Variants in COX7B2 observed in about 807,000 individuals in gnomAD.
COX7B2 encodes the protein cytochrome c oxidase subunit 7B2, mitochondrial.
For missense variants in COX7B2, 109 were observed against 95.9 expected, an observed-to-expected ratio of 1.14 and a Z score of -0.57; for synonymous variants, 37 against 32.1, an observed-to-expected ratio of 1.15 and a Z score of -0.51.
intron 2 of COX7B2, among the ~76,000 whole-genome samples, chr4:46,782,964 ACCCACCAATT>A: frequency 6.6e-6 from 1 of 152,180 alleles, no homozygotes; most frequent in African/African-American, 2.4e-5. Flanking sequence ...AAAACCAAGA[ACCCACCAATT>A]CCGGACATAA....
chr4:46,831,318 C>A (rs1715078175), intron 2 of COX7B2, among the ~76,000 whole-genome samples: 1 of 152,154 alleles, frequency 6.6e-6, no homozygotes, highest in Non-Finnish European at 1.5e-5. Context: ...CCTGAGTGCC[C>A]CCCCAACCTC....
At chr4:46,868,024 G>T (rs1327652642) in intron 1 of COX7B2, among the ~76,000 whole-genome samples, 2 of 152,040 alleles carry the variant, frequency 1.3e-5, no homozygotes, top group African/African-American at 2.4e-5. Flanking sequence ...TTATTGGTTG[G>T]TAGTCTATTT....
At chr4:46,765,984 G>A (rs897177455) in intron 2 of COX7B2, among the ~76,000 whole-genome samples, 1 of 151,994 alleles carries the variant, frequency 6.6e-6, no homozygotes, top group African/African-American at 2.4e-5. Flanking sequence ...TGCCAAGCCT[G>A]CCCATGTGGA....
At chr4:46,849,848 C>T (rs1238654805) in intron 1 of COX7B2, among the ~76,000 whole-genome samples, 8 of 152,128 alleles carry the variant, frequency 5.3e-5, no homozygotes, top group African/African-American at 1.9e-4. Flanking sequence ...TCCCCTCACC[C>T]CACAACAGGC....
intron 2 of COX7B2, among the ~76,000 whole-genome samples, chr4:46,735,848 C>T (rs1404146408): frequency 6.6e-6 from 1 of 152,070 alleles, no homozygotes; most frequent in Non-Finnish European, 1.5e-5. Context: ...GAGGAATTAT[C>T]TTTTTAAATA....
intron 1 of COX7B2, among the ~76,000 whole-genome samples, chr4:46,894,082 T>A (rs1422448243): frequency 6.6e-6 from 1 of 152,156 alleles, no homozygotes; most frequent in Non-Finnish European, 1.5e-5. Flanking sequence ...ACAATGACCA[T>A]ACGGCCCAAA....
intron 2 of COX7B2, among the ~76,000 whole-genome samples, chr4:46,799,994 G>GT (rs1017982256): frequency 6.6e-6 from 1 of 151,954 alleles, no homozygotes; most frequent in Non-Finnish European, 1.5e-5. Context: ...TTTTTGGCTG[G>GT]TAAGTTTTTT....
intron 2 of COX7B2, among the ~76,000 whole-genome samples, chr4:46,807,509 T>C (rs1719065925): frequency 6.6e-6 from 1 of 151,952 alleles, no homozygotes; most frequent in African/African-American, 2.4e-5. Context: ...TTTTTTTAGT[T>C]TGATGTAGTC....
chr4:46,882,987 C>G (rs1718845815), intron 1 of COX7B2, among the ~76,000 whole-genome samples: 1 of 151,944 alleles, frequency 6.6e-6, no homozygotes, highest in Non-Finnish European at 1.5e-5. Context: ...TATGTTTCAG[C>G]TAGGTAACAA....
At position 46,756,665 on chromosome 4, in the gene COX7B2, T is replaced by C. The variant is rs370629330; in HGVS notation, c.-49-21424A>G. On this transcript the variant is annotated intron_variant, in intron 2 of 2. Transcript: ENST00000355591. ...AAAGGGCATACATTTCTAAAAGACA[T>C]ACAAGCAGTCAACAAACATATGAAA... 1.2e-4 allele frequency among the ~76,000 whole-genome samples: 18 copies of C among 151,952 alleles called. No individual in the cohort carries two copies. In the East Asian group the frequency reaches 3.5e-3, roughly 29 times the overall value.
At chr4:46,759,482 AG>A (rs1159134052) in intron 2 of COX7B2, among the ~76,000 whole-genome samples, 1 of 152,064 alleles carries the variant, frequency 6.6e-6, no homozygotes, top group Non-Finnish European at 1.5e-5. Flanking sequence ...GAATCTACAA[AG>A]AACTTAAATA....
chr4:46,836,650 A>G (rs1036864130), intron 2 of COX7B2, among the ~76,000 whole-genome samples: 5 of 152,162 alleles, frequency 3.3e-5, no homozygotes, highest in African/African-American at 4.8e-5. Context: ...AGTAGAGTGA[A>G]CATATAAACC....
intron 1 of COX7B2, among the ~76,000 whole-genome samples, chr4:46,891,006 G>T (rs1364103448): frequency 1.3e-5 from 2 of 152,208 alleles, no homozygotes; most frequent in African/African-American, 4.8e-5. Context: ...CTGTCTTGAT[G>T]AAAGTGGTGA....
chr4:46,813,440 T>C, intron 2 of COX7B2, among the ~76,000 whole-genome samples: 1 of 152,106 alleles, frequency 6.6e-6, no homozygotes, highest in Admixed American at 6.5e-5. Flanking sequence ...CATAGATCAC[T>C]CAGATTATAT....
chr4:46,889,095 T>C lies in COX7B2; in HGVS notation c.-105+20065A>G, dbSNP rs1053021080. 5.3e-5 allele frequency among the ~76,000 whole-genome samples: 8 copies of C among 152,298 alleles called. 2 individuals are homozygous for C. Among genetic ancestry groups the C allele is most frequent in the Admixed American group, 1.3e-4 (2 of 15,300 alleles). ...CAAAACATCTCATGTACCCCATAAATATATACACCTATTATGTGTCCGCAA... is the reference window on the plus strand; with the variant it reads ...CAAAACATCTCATGTACCCCATAAACATATACACCTATTATGTGTCCGCAA... On this transcript the variant is annotated intron_variant, in intron 1 of 2. Transcript: ENST00000355591.
At chr4:46,871,225 A>G (rs1445338245) in intron 1 of COX7B2, among the ~76,000 whole-genome samples, 2 of 152,190 alleles carry the variant, frequency 1.3e-5, no homozygotes, top group South Asian at 4.1e-4. Flanking sequence ...CAAACCTGAC[A>G]AAAACAAGCA....
At chr4:46,790,474 T>G (rs1233829788) in intron 2 of COX7B2, among the ~76,000 whole-genome samples, 1 of 145,882 alleles carries the variant, frequency 6.9e-6, no homozygotes, top group East Asian at 1.9e-4. Context: ...TACAGGTAAT[T>G]TATTACTTAT....
At chr4:46,825,015 A>G (rs1035286754) in intron 2 of COX7B2, among the ~76,000 whole-genome samples, 1 of 152,018 alleles carries the variant, frequency 6.6e-6, no homozygotes, top group African/African-American at 2.4e-5. Context: ...CTTCAACACA[A>G]TATTGGAAGT....
chr4:46,767,289 G>A (rs983756310), intron 2 of COX7B2, among the ~76,000 whole-genome samples: 3 of 152,148 alleles, frequency 2.0e-5, no homozygotes, highest in Non-Finnish European at 2.9e-5. Context: ...TAATGAAAAA[G>A]TGGTCAATTC....
Sources: gnomAD v4.1 joint callset for allele counts (sites outside exome capture counted in the v4.1 genomes callset) on GRCh38, gnomAD v4.1.1 for gene constraint, MANE v1.5 for transcripts, NCBI Gene and HGNC (gene_info 2026-07-23, HGNC 2026-07-21) for gene names.